Variants in SHB observed in about 807,000 individuals in gnomAD.
SHB encodes SH2 domain containing adaptor protein B, also known as SH2 domain-containing adapter protein B.
SHB carries 20 observed loss-of-function variants against 52.3 expected under a neutral mutation model. The observed-to-expected ratio is 0.38, with a 90% CI of 0.27 to 0.56. SHB has a LOEUF of 0.56. Ranked by LOEUF, SHB falls within the 20% of genes least tolerant of loss-of-function variation. SHB has a pLI of 0.71. For synonymous variants in SHB, 397 were observed against 316.5 expected, an observed-to-expected ratio of 1.25 and a Z score of -2.70; for missense variants, 825 against 723.3, an observed-to-expected ratio of 1.14 and a Z score of -1.61.
At chr9:37,984,644 G>T (rs1820782252) in intron 2 of SHB, among the ~76,000 whole-genome samples, 1 of 152,052 alleles carries the variant, frequency 6.6e-6, no homozygotes, top group African/African-American at 2.4e-5. Context: ...TTGCAGTCAG[G>T]TCCCTGAGGT....
chr9:37,969,637 T>C (rs1030895356), intron 3 of SHB, among the ~76,000 whole-genome samples: 32 of 152,090 alleles, frequency 2.1e-4, no homozygotes, highest in Admixed American at 9.2e-4. Context: ...TCCACCGAGG[T>C]CTGCTTCTAC....
chr9:37,987,012 A>C (rs1309773649), intron 2 of SHB, among the ~76,000 whole-genome samples: 1 of 152,224 alleles, frequency 6.6e-6, no homozygotes, highest in Non-Finnish European at 1.5e-5. Flanking sequence ...GCCATAGGGG[A>C]CAGGCTTTCA....
chr9:38,063,226 T>C (rs1821917544), intron 1 of SHB, among the ~76,000 whole-genome samples: 1 of 152,080 alleles, frequency 6.6e-6, no homozygotes, highest in Non-Finnish European at 1.5e-5. Context: ...AACTGGAGAG[T>C]GTGGCTGTTC....
At chr9:37,967,077 G>A (rs888916631) in intron 3 of SHB, among the ~76,000 whole-genome samples, 1 of 152,210 alleles carries the variant, frequency 6.6e-6, no homozygotes, top group Non-Finnish European at 1.5e-5. Context: ...GTTCACAGCT[G>A]TGTGACTGTG....
intron 1 of SHB, among the ~76,000 whole-genome samples, chr9:38,025,878 AGAACACTCCT>A (rs1347090210): frequency 6.6e-6 from 1 of 152,240 alleles, no homozygotes; most frequent in African/African-American, 2.4e-5. Context: ...ATGACACAGC[AGAACACTCCT>A]GAGCGGGTGA....
intron 1 of SHB, among the ~76,000 whole-genome samples, chr9:38,061,414 C>T (rs1000752661): frequency 7.9e-5 from 12 of 152,098 alleles, no homozygotes; most frequent in African/African-American, 2.9e-4. Context: ...AGCCAGCATG[C>T]GAGCTCTGTT....
chr9:37,964,692 A>G (rs796702027), intron 3 of SHB, among the ~76,000 whole-genome samples: 4 of 152,320 alleles, frequency 2.6e-5, no homozygotes, highest in African/African-American at 7.2e-5. Context: ...CAAGTTCAGC[A>G]TAAACCCTGT....
intron 1 of SHB, among the ~76,000 whole-genome samples, chr9:38,064,255 T>G (rs1281775236): frequency 6.6e-6 from 1 of 152,146 alleles, no homozygotes; most frequent in Non-Finnish European, 1.5e-5. Flanking sequence ...CAGCTGTTTA[T>G]AGCCTGGATG....
intron 2 of SHB, among the ~76,000 whole-genome samples, chr9:38,011,486 T>C (rs1297764984): frequency 6.6e-6 from 1 of 152,164 alleles, no homozygotes; most frequent in Non-Finnish European, 1.5e-5. Context: ...ATCCCTCCTA[T>C]TCAGTTGGTC....
chr9:37,968,987 A>G (rs908119595), intron 3 of SHB, among the ~76,000 whole-genome samples: 2 of 152,174 alleles, frequency 1.3e-5, no homozygotes, highest in African/African-American at 4.8e-5. Flanking sequence ...TCCCCCTCCA[A>G]TGAAAGCACG....
At chr9:37,986,737 C>T (rs537901953) in intron 2 of SHB, among the ~76,000 whole-genome samples, 3 of 152,324 alleles carry the variant, frequency 2.0e-5, no homozygotes, top group African/African-American at 4.8e-5. Flanking sequence ...TGGGCTAGCA[C>T]GGGTGGCATC....
chr9:38,068,073 G>A lies in SHB; in HGVS notation c.573C>T (p.Ala191=), dbSNP rs950321082. The part of the protein sequence containing the change: ...PKHRLIKVES[A]AGGGAGDPLG... ...GGGGGTCCCCGGCCCCACCGCCCGC[G>A]GCGCTCTCCACTTTGATGAGGCGGT... Residue 191 remains alanine (A), a synonymous_variant, in exon 1 of 6, where the codon GCC becomes GCT. Transcript: ENST00000377707. 1 of 1,492,754 alleles carries A rather than the reference G, an allele frequency of 6.7e-7. No individual in the cohort carries two copies. The highest frequency in any genetic ancestry group is 8.8e-7 in the Non-Finnish European group (1 of 1,131,558). The allele number at this position is 1,492,754 out of a possible 1,614,324, so 92.5% of individuals were successfully genotyped here. A position where few individuals can be genotyped will look rare whatever the true frequency, so the allele number is the denominator to read the frequency against.
At position 38,022,423 on chromosome 9, in the gene SHB, G is replaced by A. The variant is rs540106899; in HGVS notation, c.718-6292C>T. On this transcript the variant is annotated intron_variant, in intron 1 of 5. Coordinates refer to ENST00000377707, the MANE Select transcript of SHB (RefSeq NM_003028.3). ...GTGACACAGGCCTGTCATTGACTGT[G>A]AGAGGGTCACTCTGAGAGAATGATG... Among the ~76,000 whole-genome samples, 11 of 152,360 alleles carry A rather than the reference G, an allele frequency of 7.2e-5. No homozygotes were observed. The East Asian group carries it at 2.1e-3, about 29-fold the overall frequency.
At position 38,062,760 on chromosome 9, in the gene SHB, C is replaced by T. The variant is rs932490852; in HGVS notation, c.717+5169G>A. ...GCTCTTGGCTATAATAAAACCTTAT[C>T]GTTTAAAGCAGGGGTTGGAAGCTAG... On this transcript the variant is annotated intron_variant, in intron 1 of 5. Transcript: ENST00000377707. 5.9e-5 allele frequency among the ~76,000 whole-genome samples: 9 copies of T among 152,168 alleles called. 1 individual carries two copies. The highest frequency in any genetic ancestry group is 1.3e-4 in the Non-Finnish European group (9 of 68,036).
At chr9:37,994,672 C>T (rs960508064) in intron 2 of SHB, among the ~76,000 whole-genome samples, 1 of 152,206 alleles carries the variant, frequency 6.6e-6, no homozygotes, top group Non-Finnish European at 1.5e-5. Context: ...AACCATAAAA[C>T]CCCATGCAGA....
chr9:37,980,510 T>G (rs987020515), intron 2 of SHB, among the ~76,000 whole-genome samples: 3 of 152,242 alleles, frequency 2.0e-5, no homozygotes, highest in African/African-American at 7.2e-5. Context: ...CTTCCTCCAC[T>G]GAAGTCTTGA....
chr9:38,024,425 C>A (rs908797410), intron 1 of SHB, among the ~76,000 whole-genome samples: 1 of 152,248 alleles, frequency 6.6e-6, no homozygotes, highest in South Asian at 2.1e-4. Context: ...GCCCCTCCCA[C>A]GGCCACAGCT....
chr9:38,048,705 G>A (rs1446171725), intron 1 of SHB, among the ~76,000 whole-genome samples: 3 of 152,156 alleles, frequency 2.0e-5, no homozygotes, highest in Non-Finnish European at 4.4e-5. Flanking sequence ...CCATCTTAAC[G>A]ATATTGCAGT....
chr9:37,977,165 A>T (rs770418231), intron 2 of SHB, among the ~76,000 whole-genome samples: 2 of 152,170 alleles, frequency 1.3e-5, no homozygotes, highest in Admixed American at 6.5e-5. Context: ...TTTAAAAAAG[A>T]GACTTTGGAT....
Sources: gnomAD v4.1 joint callset for allele counts (sites outside exome capture counted in the v4.1 genomes callset) on GRCh38, gnomAD v4.1.1 for gene constraint, MANE v1.5 for transcripts, NCBI Gene and HGNC (gene_info 2026-07-23, HGNC 2026-07-21) for gene names.